The following SLC25A21 variants were observed in gnomAD, a reference collection of about 807,000 sequenced individuals.
SLC25A21 encodes solute carrier family 25 member 21, also known as mitochondrial 2-oxodicarboxylate carrier.
In SLC25A21, 47 loss-of-function variants were observed where a neutral mutation model predicts 43.8. The observed-to-expected ratio is 1.07, with a 90% CI of 0.85 to 1.37. The LOEUF (loss-of-function observed/expected upper bound fraction) is 1.37. Ranked by LOEUF, SLC25A21 falls within the 40% of genes most tolerant of loss-of-function variation. The pLI is 0.00. For missense variants in SLC25A21, 352 were observed against 350.2 expected (o/e 1.00, Z -0.04); for synonymous variants, 131 against 121.3 (o/e 1.08, Z -0.52).
chr14:36,855,637 G>A (rs1889874993), intron 2 of SLC25A21, among the ~76,000 whole-genome samples: 1 of 152,126 alleles, frequency 6.6e-6, no homozygotes, highest in South Asian at 2.1e-4. Flanking sequence ...GTGGGGTGGG[G>A]CTCAGCAATC....
chr14:36,686,199 AAAGC>A (rs765859658), intron 7 of SLC25A21, among the ~76,000 whole-genome samples: 55 of 152,204 alleles, frequency 3.6e-4, no homozygotes, highest in Admixed American at 2.0e-4. Context: ...CTAAATATAA[AAAGC>A]AAGGGTTTGG....
chr14:37,033,212 T>A (rs1961257467), intron 1 of SLC25A21, among the ~76,000 whole-genome samples: 1 of 152,240 alleles, frequency 6.6e-6, no homozygotes, highest in African/African-American at 2.4e-5. Context: ...AAAAGTGGAA[T>A]CATACTGTCT....
chr14:36,759,381 T>A (rs755467110), intron 3 of SLC25A21, among the ~76,000 whole-genome samples: 2 of 152,194 alleles, frequency 1.3e-5, no homozygotes, highest in Non-Finnish European at 2.9e-5. Flanking sequence ...TTTCTGTACA[T>A]ATCATCTCCG....
In SLC25A21 at chr14:36,734,613, T is replaced by C. The variant is rs765956628; in HGVS notation, c.204-40A>G. On this transcript the variant is annotated intron_variant, in intron 3 of 9. Transcript: ENST00000331299. ...AAAGATTTCCTATGAGTAAGGAAATTAGGCAACAAGTATTTCTGACTTTGT... is the reference window on the plus strand; with the variant it reads ...AAAGATTTCCTATGAGTAAGGAAATCAGGCAACAAGTATTTCTGACTTTGT... 2.5e-5 allele frequency: 36 copies of C among 1,457,564 alleles called. No individual in the cohort carries two copies. In the East Asian group the frequency reaches 8.3e-4, roughly 34 times the overall value. The allele number at this position is 1,457,564 out of a possible 1,614,324, so 90.3% of individuals were successfully genotyped here.
Position 36,678,059 on chromosome 14 carries a change from C to A in SLC25A21, c.*2599G>T, listed in dbSNP as rs1881986673. ...TATTGAGGGTTTTTTGGTACTAATTCTGTGCAATAACTAAAAGAGCACCTC... is the reference window on the plus strand; with the variant it reads ...TATTGAGGGTTTTTTGGTACTAATTATGTGCAATAACTAAAAGAGCACCTC... On this transcript the variant is annotated 3_prime_UTR_variant, in exon 10 of 10. Coordinates refer to ENST00000331299, the MANE Select transcript of SLC25A21 (RefSeq NM_030631.4). 6.2e-6 allele frequency: 1 copy of A among 162,538 alleles called. No individual in the cohort carries two copies. The allele number at this position is 162,538 out of a possible 1,614,324, so 10.1% of individuals were successfully genotyped here. A position where few individuals can be genotyped will look rare whatever the true frequency, so the allele number is the denominator to read the frequency against.
intron 2 of SLC25A21, among the ~76,000 whole-genome samples, chr14:36,866,733 C>A (rs879719089): frequency 5.9e-5 from 9 of 152,150 alleles, no homozygotes; most frequent in Non-Finnish European, 1.2e-4. Flanking sequence ...GGACCTCTAG[C>A]CCCATGTGGC....
At chr14:37,096,837 C>T (rs1437558323) in intron 1 of SLC25A21, among the ~76,000 whole-genome samples, 1 of 152,058 alleles carries the variant, frequency 6.6e-6, no homozygotes, top group Admixed American at 6.6e-5. Flanking sequence ...TGAGAGGTCT[C>T]ATATCTCTGT....
intron 1 of SLC25A21, among the ~76,000 whole-genome samples, chr14:37,075,936 C>A (rs970592087): frequency 6.6e-6 from 1 of 152,222 alleles, no homozygotes; most frequent in African/African-American, 2.4e-5. Context: ...TCATTAACAG[C>A]TGGAAGACAG....
chr14:36,822,566 G>A (rs537812770), intron 2 of SLC25A21, among the ~76,000 whole-genome samples: 47 of 152,088 alleles, frequency 3.1e-4, no homozygotes, highest in Non-Finnish European at 5.4e-4. Context: ...TTTATAATTT[G>A]AAAAAATATG....
At chr14:37,028,071 A>G (rs1016860968) in intron 1 of SLC25A21, among the ~76,000 whole-genome samples, 3 of 152,148 alleles carry the variant, frequency 2.0e-5, no homozygotes, top group Non-Finnish European at 2.9e-5. Context: ...ATTTTTTCAA[A>G]TTTTACTGAA....
chr14:37,093,506 C>G (rs558594855), intron 1 of SLC25A21, among the ~76,000 whole-genome samples: 1 of 152,302 alleles, frequency 6.6e-6, no homozygotes, highest in East Asian at 1.9e-4. Context: ...GGATGCAAAA[C>G]TGTGTGTATA....
At chr14:37,012,819 G>T (rs1960761485) in intron 1 of SLC25A21, among the ~76,000 whole-genome samples, 1 of 152,158 alleles carries the variant, frequency 6.6e-6, no homozygotes, top group African/African-American at 2.4e-5. Flanking sequence ...TCACCACAAA[G>T]AATCCACAGT....
intron 1 of SLC25A21, among the ~76,000 whole-genome samples, chr14:37,002,492 T>G (rs190892702): frequency 6.6e-4 from 100 of 152,262 alleles, no homozygotes; most frequent in African/African-American, 2.2e-3. Flanking sequence ...TTATATGACT[T>G]ATATATAAAG....
At chr14:37,125,739 C>T (rs904452775) in intron 1 of SLC25A21, among the ~76,000 whole-genome samples, 1 of 152,080 alleles carries the variant, frequency 6.6e-6, no homozygotes, top group Non-Finnish European at 1.5e-5. Context: ...AGTCCATAGA[C>T]CTATTAAACA....
At chr14:36,810,529 C>T (rs927512916) in intron 3 of SLC25A21, among the ~76,000 whole-genome samples, 4 of 152,162 alleles carry the variant, frequency 2.6e-5, no homozygotes, top group Admixed American at 2.0e-4. Context: ...GGTACCACAT[C>T]ACCAGAGTAA....
At chr14:36,709,373 C>G (rs1473268876) in intron 7 of SLC25A21, among the ~76,000 whole-genome samples, 1 of 152,150 alleles carries the variant, frequency 6.6e-6, no homozygotes, top group Non-Finnish European at 1.5e-5. Context: ...TTTTCTGGGC[C>G]TTACAAATTA....
At chr14:36,804,863 C>T (rs932126491) in intron 3 of SLC25A21, among the ~76,000 whole-genome samples, 3 of 152,094 alleles carry the variant, frequency 2.0e-5, no homozygotes, top group Non-Finnish European at 2.9e-5. Flanking sequence ...TCGGTTTTAA[C>T]GACCACTAGA....
chr14:36,702,417 T>C (rs1016865469), intron 7 of SLC25A21, among the ~76,000 whole-genome samples: 75 of 128,106 alleles, frequency 5.9e-4, no homozygotes, highest in African/African-American at 2.2e-3. Flanking sequence ...GGCAGGAGGA[T>C]CACTTGAGCC....
At chr14:37,135,025 T>G (rs1963455277) in intron 1 of SLC25A21, among the ~76,000 whole-genome samples, 1 of 151,784 alleles carries the variant, frequency 6.6e-6, no homozygotes, top group African/African-American at 2.4e-5. Context: ...CCTCACAGGT[T>G]CAAGCGATTC....
Sources: gnomAD v4.1 joint callset for allele counts (sites outside exome capture counted in the v4.1 genomes callset) on GRCh38, gnomAD v4.1.1 for gene constraint, MANE v1.5 for transcripts, NCBI Gene and HGNC (gene_info 2026-07-23, HGNC 2026-07-21) for gene names.